Variants in GRIA2 observed in about 807,000 individuals in gnomAD.
GRIA2 encodes glutamate ionotropic receptor AMPA type subunit 2, also known as glutamate receptor 2.
In GRIA2, 14 loss-of-function variants were observed where a neutral mutation model predicts 97.3. That is an observed-to-expected ratio of 0.14 (90% CI 0.10 to 0.23). GRIA2 has a LOEUF of 0.23. GRIA2 is among the 10% of genes least tolerant of loss of function. The pLI is 1.00. For synonymous variants in GRIA2, 412 were observed against 387.8 expected (o/e 1.06, Z -0.73); for missense variants, 558 against 1,069.8 (o/e 0.52, Z 6.67).
chr4:157,234,169 T>C (rs1730141723), intron 2 of GRIA2, among the ~76,000 whole-genome samples: 1 of 152,078 alleles, frequency 6.6e-6, no homozygotes, highest in Non-Finnish European at 1.5e-5. Context: ...AATTATCAGG[T>C]TTAAATGATA....
rs191161691 is a variant in GRIA2, at chr4:157,263,646, C to A, written c.230-39906C>A. 3.3e-5 allele frequency among the ~76,000 whole-genome samples: 5 copies of A among 152,244 alleles called. No individual in the cohort carries two copies. In the East Asian group the frequency reaches 7.8e-4, roughly 24 times the overall value. ...GTTTACAGGTGTGACAGCTTCTGTA[C>A]CCCGTTGCCCTAAATCAATTTAATA... On this transcript the variant is annotated intron_variant, in intron 2 of 15. Transcript: ENST00000264426.
At chr4:157,338,515 C>T (rs1735405888) in intron 11 of GRIA2, among the ~76,000 whole-genome samples, 1 of 151,914 alleles carries the variant, frequency 6.6e-6, no homozygotes, top group African/African-American at 2.4e-5. Context: ...CTGTATTATC[C>T]CAGAGTCCAC....
chr4:157,221,723 G>A lies in GRIA2; in HGVS notation c.145G>A (p.Val49Ile), dbSNP rs1255541133. ...QEYSAFRVGMVQFSTSEFRLT... is the reference protein window; with the variant it reads ...QEYSAFRVGMIQFSTSEFRLT... Reference sequence around the variant, plus strand: ...ATACAGTGCATTTCGAGTAGGGATGGTTCAGTTTTCCACTTCGGAGTTCAG... The same window carrying A: ...ATACAGTGCATTTCGAGTAGGGATGATTCAGTTTTCCACTTCGGAGTTCAG... Residue 49 changes from valine to isoleucine, a missense_variant, in exon 2 of 16, where the codon GTT becomes ATT. Physicochemically the swap from Val to Ile is conservative, Grantham distance 29 (BLOSUM62 3). Coordinates refer to ENST00000264426, the MANE Select transcript of GRIA2 (RefSeq NM_001083619.3). The A allele has an allele frequency of 6.2e-7, 1 of 1,614,060 alleles. No homozygotes were observed. The highest frequency in any genetic ancestry group is 8.5e-7 in the Non-Finnish European group (1 of 1,179,922).
intron 2 of GRIA2, among the ~76,000 whole-genome samples, chr4:157,274,784 T>C (rs1206580918): frequency 6.6e-6 from 1 of 151,884 alleles, no homozygotes; most frequent in African/African-American, 2.4e-5. Flanking sequence ...ACATTTGGGT[T>C]GGTTCCAAGT....
intron 2 of GRIA2, among the ~76,000 whole-genome samples, chr4:157,296,080 A>G (rs918191923): frequency 3.9e-5 from 6 of 152,114 alleles, no homozygotes; most frequent in African/African-American, 1.2e-4. Flanking sequence ...GTACTTTTTC[A>G]GGTTGGTAAT....
chr4:157,340,484 A>G (rs1735498147), intron 11 of GRIA2, among the ~76,000 whole-genome samples: 1 of 152,000 alleles, frequency 6.6e-6, no homozygotes, highest in Non-Finnish European at 1.5e-5. Flanking sequence ...AAGAATTTGT[A>G]GTCAGAAAAA....
At chr4:157,296,983 A>G (rs565719671) in intron 2 of GRIA2, among the ~76,000 whole-genome samples, 10 of 152,326 alleles carry the variant, frequency 6.6e-5, no homozygotes, top group African/African-American at 1.9e-4. Context: ...AATTCAGACC[A>G]CACAGAGCAG....
chr4:157,332,708 T>C (rs1579370775), intron 6 of GRIA2, 111 bp from the exon 7 acceptor site: 1 of 684,698 alleles, frequency 1.5e-6, no homozygotes, highest in Admixed American at 2.7e-5. Flanking sequence ...GTTTAAATTC[T>C]TGGACTTTTA....
At chr4:157,258,372 C>CT (rs772094150) in intron 2 of GRIA2, among the ~76,000 whole-genome samples, 7 of 152,102 alleles carry the variant, frequency 4.6e-5, no homozygotes, top group Admixed American at 2.0e-4. Flanking sequence ...GGACGTCTGT[C>CT]TTTTTACAGT....
intron 11 of GRIA2, 31 bp from the exon 12 acceptor site, chr4:157,341,233 C>G: frequency 2.7e-6 from 4 of 1,476,972 alleles, no homozygotes; most frequent in Non-Finnish European, 3.8e-6. Flanking sequence ...ATTCATTTCA[C>G]TTTACAAATC....
chr4:157,310,837 A>G (rs1734047506), intron 3 of GRIA2, among the ~76,000 whole-genome samples: 1 of 152,066 alleles, frequency 6.6e-6, no homozygotes, highest in East Asian at 1.9e-4. Context: ...ATTTTCTTCT[A>G]TATATGCCCT....
intron 2 of GRIA2, among the ~76,000 whole-genome samples, chr4:157,244,215 A>C (rs1730630901): frequency 6.6e-6 from 1 of 152,002 alleles, no homozygotes; most frequent in South Asian, 2.1e-4. Context: ...GTGTCTTTGC[A>C]ACAGAGAGAG....
intron 3 of GRIA2, among the ~76,000 whole-genome samples, chr4:157,310,343 GA>G (rs1734025282): frequency 6.6e-6 from 1 of 151,830 alleles, no homozygotes; most frequent in African/African-American, 2.4e-5. Context: ...CATTTTGCCA[GA>G]AAAAAAGTTA....
chr4:157,353,433 G>A (rs1736105856), intron 12 of GRIA2, among the ~76,000 whole-genome samples: 1 of 152,088 alleles, frequency 6.6e-6, no homozygotes, highest in Non-Finnish European at 1.5e-5. Context: ...CACTTTGGGA[G>A]GCCAAGGTGG....
At chr4:157,243,835 T>C (rs930558529) in intron 2 of GRIA2, among the ~76,000 whole-genome samples, 8 of 152,028 alleles carry the variant, frequency 5.3e-5, no homozygotes, top group Non-Finnish European at 1.2e-4. Flanking sequence ...CATGAAAGAT[T>C]GTCCTAAGCT....
chr4:157,325,330 T>A (rs1223453228), intron 6 of GRIA2, among the ~76,000 whole-genome samples: 1 of 152,162 alleles, frequency 6.6e-6, no homozygotes. Context: ...AAAAAATAAC[T>A]AAAGTCATGG....
At chr4:157,340,913 C>G (rs1280425712) in intron 11 of GRIA2, among the ~76,000 whole-genome samples, 3 of 151,796 alleles carry the variant, frequency 2.0e-5, no homozygotes, top group Admixed American at 2.0e-4. Context: ...ATATTACATT[C>G]TCTTGTTTAT....
chr4:157,263,505 AT>A (rs1197757969), intron 2 of GRIA2, among the ~76,000 whole-genome samples: 1 of 152,000 alleles, frequency 6.6e-6, no homozygotes, highest in African/African-American at 2.4e-5. Context: ...TTATAATTCT[AT>A]TCTATTTTAT....
At chr4:157,256,480 G>A (rs1027417134) in intron 2 of GRIA2, among the ~76,000 whole-genome samples, 8 of 150,756 alleles carry the variant, frequency 5.3e-5, no homozygotes, top group Non-Finnish European at 1.2e-4. Flanking sequence ...ATTAATTGAA[G>A]TGTATTTTTC....
Sources: gnomAD v4.1 joint callset for allele counts (sites outside exome capture counted in the v4.1 genomes callset) on GRCh38, gnomAD v4.1.1 for gene constraint, MANE v1.5 for transcripts, NCBI Gene and HGNC (gene_info 2026-07-23, HGNC 2026-07-21) for gene names.